The following GCSAM variants were observed in gnomAD, a reference collection of about 807,000 sequenced individuals.
GCSAM encodes the protein germinal center-associated signaling and motility protein.
Under a neutral mutation model 17.6 loss-of-function variants are expected in GCSAM, and 8 were observed. The observed-to-expected ratio is 0.46, with a 90% CI of 0.27 to 0.82. The LOEUF is 0.82. Ranked by LOEUF, GCSAM falls within the 40% of genes least tolerant of loss-of-function variation. The pLI, the probability that GCSAM is intolerant of heterozygous loss-of-function variation, is 0.15. For missense variants in GCSAM, 192 were observed against 213.5 expected (o/e 0.90, Z 0.63); for synonymous variants, 68 against 69.0 (o/e 0.98, Z 0.07).
chr3:112,123,497 A>G lies in GCSAM; in HGVS notation c.495T>C (p.Arg165=), dbSNP rs140163446. ...RISSHFLQQP[R]PLMAPSETQF... is the part of the protein sequence containing the mutation. ...GAGTCTCAGAAGGGGCCATAAGTGG[A>G]CGTGGCTGTTGCAGAAAGTGAGAGG... The change falls in exon 6 of 6, where the codon CGT becomes CGC. Residue 165 remains arginine, a synonymous_variant. Coordinates refer to ENST00000308910, the MANE Select transcript of GCSAM (RefSeq NM_152785.5). 2 of 1,614,154 alleles carry G rather than the reference A, an allele frequency of 1.2e-6. No homozygotes were observed. The highest frequency in any genetic ancestry group is 1.7e-5 in the Admixed American group (1 of 60,026).
intron 4 of GCSAM, among the ~76,000 whole-genome samples, chr3:112,126,695 T>G (rs1312895957): frequency 6.6e-6 from 1 of 152,176 alleles, no homozygotes. Context: ...TTTCTTGCAG[T>G]TTCTTGTAAG....
chr3:112,128,910 G>A (rs560484785), intron 2 of GCSAM: 4 of 152,350 alleles, frequency 2.6e-5, no homozygotes, highest in African/African-American at 9.6e-5. Context: ...ATGTAAAAAT[G>A]TTTGGAAAAC....
intron 4 of GCSAM, 42 bp downstream of exon 4, chr3:112,126,941 TGTAA>T: frequency 1.6e-6 from 2 of 1,263,000 alleles, no homozygotes; most frequent in Non-Finnish European, 2.3e-6. Flanking sequence ...AGTTTGGAAA[TGTAA>T]GTCTTATCAA....
chr3:112,123,263 T>C lies in GCSAM; in HGVS notation c.*192A>G. On this transcript the variant is annotated 3_prime_UTR_variant, in exon 6 of 6. Coordinates refer to ENST00000308910, the MANE Select transcript of GCSAM (RefSeq NM_152785.5). ...CTTTCTCAAATGGTGTTGTTCAGGA[T>C]AAATGGTTGATCTTTAGATTTTGGC... The C allele has an allele frequency of 9.7e-7, 1 of 1,027,158 alleles. No homozygotes were observed. Among genetic ancestry groups the C allele is most frequent in the South Asian group, 1.7e-5 (1 of 58,110 alleles). The allele number at this position is 1,027,158 out of a possible 1,614,324, so 63.6% of individuals were successfully genotyped here.
At chr3:112,132,785 G>A in intron 1 of GCSAM, 1 of 465,646 alleles carries the variant, frequency 2.1e-6, no homozygotes. Context: ...TCCTTCCCGG[G>A]CTTTCAGAAA....
chr3:112,132,932 A>T (rs2074492135), intron 1 of GCSAM, 160 bp downstream of exon 1: 1 of 673,738 alleles, frequency 1.5e-6, no homozygotes, highest in African/African-American at 1.8e-5. Flanking sequence ...TTAATGTGGT[A>T]TCTGGCACAG....
chr3:112,132,998 A>C, intron 1 of GCSAM, 94 bp downstream of exon 1: 6 of 1,257,576 alleles, frequency 4.8e-6, no homozygotes, highest in Non-Finnish European at 5.7e-6. Context: ...ACCCCAACTT[A>C]GTGTGCTAAC....
intron 1 of GCSAM, chr3:112,132,778 T>G: frequency 2.1e-6 from 1 of 475,396 alleles, no homozygotes; most frequent in Non-Finnish European, 2.9e-6. Context: ...GAGCATCTCC[T>G]TCCCGGGCTT....
chr3:112,128,095 G>A (rs1237986779), intron 2 of GCSAM, 34 bp from the exon 3 acceptor site: 3 of 1,593,092 alleles, frequency 1.9e-6, no homozygotes, highest in Admixed American at 1.7e-5. Flanking sequence ...AAATCATAAG[G>A]TTGATTTCTG....
chr3:112,122,169 C>T lies in GCSAM; in HGVS notation c.*1286G>A, dbSNP rs2074213475. ...TTGCTCTTATGCATCAGTAACCAAA[C>T]ACATTTCTGTTAAGTTTCTCTCAAA... On this transcript the variant is annotated 3_prime_UTR_variant, in exon 6 of 6. Transcript: ENST00000308910. 6.6e-6 allele frequency: 1 copy of T among 152,212 alleles called. No individual in the cohort carries two copies. The highest frequency in any genetic ancestry group is 2.4e-5 in the African/African-American group (1 of 41,458). The allele number at this position is 152,212 out of a possible 1,614,324, so 9.4% of individuals were successfully genotyped here.
chr3:112,125,126 A>G (rs934085561), intron 5 of GCSAM, 100 bp downstream of exon 5: 7 of 784,098 alleles, frequency 8.9e-6, no homozygotes, highest in African/African-American at 6.9e-5. Context: ...TTCTCCATGT[A>G]AGGGTCAGAA....
chr3:112,124,428 G>A (rs2074264385), intron 5 of GCSAM, among the ~76,000 whole-genome samples: 2 of 152,084 alleles, frequency 1.3e-5, no homozygotes, highest in Admixed American at 6.5e-5. Flanking sequence ...GGCCAACATG[G>A]TGAAACCCCA....
intron 2 of GCSAM, 99 bp from the exon 3 acceptor site, chr3:112,128,160 T>A (rs755255826): frequency 2.0e-6 from 2 of 1,019,622 alleles, no homozygotes; most frequent in South Asian, 2.6e-5. Context: ...AAACTTTTTT[T>A]CTCCCCGCAA....
At chr3:112,126,854 T>C (rs1327957893) in intron 4 of GCSAM, 133 bp downstream of exon 4, 20 of 700,374 alleles carry the variant, frequency 2.9e-5, no homozygotes, top group Non-Finnish European at 4.1e-5. Flanking sequence ...GACATGCAAT[T>C]GGATACAGTA....
Position 112,130,452 on chromosome 3 carries a change from TTC to T in GCSAM, c.89_90del (p.Arg30AsnfsTer11). On this transcript the variant is annotated frameshift_variant, in exon 2 of 6. Coordinates refer to ENST00000308910, the MANE Select transcript of GCSAM (RefSeq NM_152785.5). LOFTEE classifies it high-confidence loss of function. ...GGTTGATTTTGCTCTCACCTGGATG[TTC>T]TCTGTTTGGGGCTTTGCATTCTCAC... Reference protein sequence around the residue: ...WNVRMQSPKQRTSRCWDHHIA... With the variant: ...WNVRMQSPKQXTSRCWDHHIA... 1 of 1,613,964 alleles carries T rather than the reference TTC, an allele frequency of 6.2e-7. No homozygotes were observed. The highest frequency in any genetic ancestry group is 8.5e-7 in the Non-Finnish European group (1 of 1,179,854).
intron 4 of GCSAM, among the ~76,000 whole-genome samples, chr3:112,125,789 C>T (rs2074304509): frequency 6.6e-6 from 1 of 152,188 alleles, no homozygotes; most frequent in African/African-American, 2.4e-5. Flanking sequence ...TTTTGCAGAG[C>T]AGGAAACTCT....
chr3:112,132,732 A>T (rs2074486757), intron 1 of GCSAM: 1 of 877,896 alleles, frequency 1.1e-6, no homozygotes. Flanking sequence ...GAGGGTGGTG[A>T]TTTTGACCTC....
intron 2 of GCSAM, 150 bp downstream of exon 2, chr3:112,130,295 A>G (rs1251625474): frequency 8.6e-6 from 6 of 696,862 alleles, no homozygotes; most frequent in South Asian, 1.7e-5. Flanking sequence ...CAAGCATTTT[A>G]TCTTTTGTCC....
chr3:112,127,963 C>G, intron 3 of GCSAM, 54 bp downstream of exon 3: 1 of 1,495,088 alleles, frequency 6.7e-7, no homozygotes, highest in Middle Eastern at 1.7e-4. Flanking sequence ...ACAGCAAATA[C>G]CACATTGAAA....
Sources: allele counts gnomAD v4.1 joint callset (sites outside exome capture counted in the v4.1 genomes callset), GRCh38; gene constraint gnomAD v4.1.1; transcripts MANE v1.5; gene names NCBI Gene and HGNC (gene_info 2026-07-23, HGNC 2026-07-21).